The following KCNH7 variants were observed in gnomAD, a reference collection of about 807,000 sequenced individuals.
KCNH7 encodes potassium voltage-gated channel subfamily H member 7, also known as voltage-gated inwardly rectifying potassium channel KCNH7.
Under a neutral mutation model 120.8 loss-of-function variants are expected in KCNH7, and 49 were observed. That is an observed-to-expected ratio of 0.41 (90% CI 0.32 to 0.51). The LOEUF (loss-of-function observed/expected upper bound fraction) is 0.51. KCNH7 is among the 20% of genes least tolerant of loss of function. The probability of loss-of-function intolerance (pLI) is 0.38; values close to 1 mark genes in which losing one functional copy is unlikely to be tolerated. For synonymous variants in KCNH7, 547 were observed against 516.1 expected (o/e 1.06, Z -0.81); for missense variants, 1,097 against 1,446.6 (o/e 0.76, Z 3.92).
chr2:162,661,660 A>G (rs1038815569), intron 2 of KCNH7, among the ~76,000 whole-genome samples: 8 of 152,172 alleles, frequency 5.3e-5, no homozygotes, highest in Non-Finnish European at 1.5e-5. Context: ...GAATTCTGAT[A>G]CATAAAAAAT....
At chr2:162,537,713 A>T (rs1692156191) in intron 2 of KCNH7, among the ~76,000 whole-genome samples, 1 of 152,202 alleles carries the variant, frequency 6.6e-6, no homozygotes, top group Non-Finnish European at 1.5e-5. Flanking sequence ...TCTTCATGAG[A>T]TGGTACTCTT....
In KCNH7 at chr2:162,598,756, G is replaced by A. The variant is rs74350604; in HGVS notation, c.308-61676C>T. On this transcript the variant is annotated intron_variant, in intron 2 of 15. Transcript: ENST00000332142. ...TAAAGTTTCATATATAGTATAAAAG[G>A]TTTCACCCAAGTTTTTATTGCTTTA... Among the ~76,000 whole-genome samples, 190 of 152,106 alleles carry A rather than the reference G, an allele frequency of 1.2e-3. 2 individuals are homozygous for A. In the East Asian group the frequency reaches 0.021, roughly 17 times the overall value.
At chr2:162,474,287 C>T (rs1689658982) in intron 6 of KCNH7, among the ~76,000 whole-genome samples, 3 of 152,130 alleles carry the variant, frequency 2.0e-5, no homozygotes, top group Non-Finnish European at 4.4e-5. Flanking sequence ...TCTTTATGCA[C>T]TGTATATAAA....
intron 9 of KCNH7, among the ~76,000 whole-genome samples, chr2:162,419,363 A>G (rs1160921522): frequency 6.6e-6 from 1 of 150,830 alleles, no homozygotes. Flanking sequence ...GTTGGGGGAT[A>G]GGCAGCAAAT....
intron 2 of KCNH7, among the ~76,000 whole-genome samples, chr2:162,548,613 T>C (rs1171663883): frequency 6.6e-6 from 1 of 152,042 alleles, no homozygotes; most frequent in Non-Finnish European, 1.5e-5. Flanking sequence ...ATCTGAGTGA[T>C]AGGTTATTTG....
chr2:162,394,575 T>C (rs1686848720), intron 11 of KCNH7, 90 bp from the exon 12 acceptor site: 1 of 762,268 alleles, frequency 1.3e-6, no homozygotes, highest in Non-Finnish European at 2.2e-6. Context: ...TTTCATATTG[T>C]TTCAACCATC....
intron 2 of KCNH7, among the ~76,000 whole-genome samples, chr2:162,816,231 TG>T (rs1231046656): frequency 4.4e-5 from 5 of 114,218 alleles, no homozygotes; most frequent in African/African-American, 1.0e-4. Context: ...CACTCCAGCC[TG>T]GGCAACAAGA....
At chr2:162,397,426 C>T (rs567463872) in intron 10 of KCNH7, among the ~76,000 whole-genome samples, 73 of 151,910 alleles carry the variant, frequency 4.8e-4, no homozygotes, top group African/African-American at 1.7e-3. Flanking sequence ...AATTGGAACA[C>T]ACCTTGTTTC....
At position 162,820,209 on chromosome 2, in the gene KCNH7, T is replaced by TTGTGTGTGTGTGTGTGTGTG. The variant is rs71410049; in HGVS notation, c.307+16308_307+16327dup. Among the ~76,000 whole-genome samples, 849 of 99,696 alleles carry TTGTGTGTGTGTGTGTGTGTG rather than the reference T, an allele frequency of 8.5e-3. 19 individuals are homozygous for TTGTGTGTGTGTGTGTGTGTG. Among genetic ancestry groups the TTGTGTGTGTGTGTGTGTGTG allele is most frequent in the South Asian group, 0.011 (25 of 2,200 alleles). 65.4% of individuals were successfully genotyped at this position (99,696 alleles called of 152,430 possible). On this transcript the variant is annotated intron_variant, in intron 2 of 15. Transcript: ENST00000332142. ...CGCCCAGCACCACGCCCGGCTAATTTTGTGTGTGTGTGTGTGTGTGTGTGT... is the reference window on the plus strand; with the variant it reads ...CGCCCAGCACCACGCCCGGCTAATTTTGTGTGTGTGTGTGTGTGTGTGTGTGTGTGTGTGTGTGTGTGTGT...
chr2:162,546,568 C>A (rs960089611), intron 2 of KCNH7, among the ~76,000 whole-genome samples: 1 of 152,028 alleles, frequency 6.6e-6, no homozygotes, highest in Non-Finnish European at 1.5e-5. Flanking sequence ...GGACAGCCAC[C>A]CCGTGTGGAT....
intron 2 of KCNH7, among the ~76,000 whole-genome samples, chr2:162,726,264 C>G (rs1424701205): frequency 6.6e-6 from 1 of 151,976 alleles, no homozygotes; most frequent in Admixed American, 6.6e-5. Flanking sequence ...TGATGGTTAT[C>G]CTCAGATACC....
intron 2 of KCNH7, among the ~76,000 whole-genome samples, chr2:162,685,575 T>A (rs897749732): frequency 6.6e-6 from 1 of 152,036 alleles, no homozygotes; most frequent in African/African-American, 2.4e-5. Context: ...TTCCAAATAA[T>A]CTTAGTATAC....
chr2:162,741,070 T>A (rs1376482524), intron 2 of KCNH7, among the ~76,000 whole-genome samples: 1 of 152,106 alleles, frequency 6.6e-6, no homozygotes, highest in Non-Finnish European at 1.5e-5. Context: ...GTTATGCAGA[T>A]CCAGATACAA....
At chr2:162,616,272 G>A (rs564136165) in intron 2 of KCNH7, among the ~76,000 whole-genome samples, 1 of 152,130 alleles carries the variant, frequency 6.6e-6, no homozygotes, top group Non-Finnish European at 1.5e-5. Context: ...GTTTATAAAG[G>A]TTGAAAATGC....
intron 2 of KCNH7, among the ~76,000 whole-genome samples, chr2:162,591,506 A>C (rs577237842): frequency 6.6e-6 from 1 of 152,140 alleles, no homozygotes; most frequent in South Asian, 2.1e-4. Context: ...ACACACTCAC[A>C]AAAAAACAGA....
chr2:162,483,271 G>A (rs1434462832), intron 6 of KCNH7, among the ~76,000 whole-genome samples: 5 of 152,072 alleles, frequency 3.3e-5, no homozygotes, highest in African/African-American at 1.2e-4. Flanking sequence ...TTCAATATTT[G>A]TCATTATAAT....
Position 162,643,586 on chromosome 2 carries a change from A to G in KCNH7, c.308-106506T>C, listed in dbSNP as rs1213295814. Among the ~76,000 whole-genome samples, 5 of 152,050 alleles carry G rather than the reference A, an allele frequency of 3.3e-5. No homozygotes were observed. In the East Asian group the frequency reaches 9.7e-4, roughly 29 times the overall value. ...CACTTTGGGAGGCCAAGGCTGGTGG[A>G]TCACAAGGTCAGGAGATCAAGACCA... On this transcript the variant is annotated intron_variant, in intron 2 of 15. Transcript: ENST00000332142.
intron 3 of KCNH7, among the ~76,000 whole-genome samples, chr2:162,529,568 A>C (rs1208665368): frequency 2.0e-5 from 3 of 151,978 alleles, no homozygotes; most frequent in Non-Finnish European, 4.4e-5. Flanking sequence ...TGAAACAAAA[A>C]TAATTTATTT....
chr2:162,396,353 G>A (rs1250604844), intron 11 of KCNH7, among the ~76,000 whole-genome samples: 1 of 151,766 alleles, frequency 6.6e-6, no homozygotes, highest in Non-Finnish European at 1.5e-5. Context: ...CCAATGTACA[G>A]TGTAAATAAT....
Sources: allele counts gnomAD v4.1 joint callset (sites outside exome capture counted in the v4.1 genomes callset), GRCh38; gene constraint gnomAD v4.1.1; transcripts MANE v1.5; gene names NCBI Gene and HGNC (gene_info 2026-07-23, HGNC 2026-07-21).